ITGB6: variants seen among roughly 807,000 people sequenced by gnomAD.
The protein encoded by ITGB6 is integrin beta-6.
In ITGB6, 80 loss-of-function variants were observed where a neutral mutation model predicts 84.5. That is an observed-to-expected ratio of 0.95 (90% confidence interval 0.79 to 1.14). The LOEUF (loss-of-function observed/expected upper bound fraction) is 1.14. ITGB6 is among the 50% of genes most tolerant of loss of function. The pLI, the probability that ITGB6 is intolerant of heterozygous loss-of-function variation, is 0.00. For missense variants in ITGB6, 1,006 were observed against 968.0 expected (o/e 1.04, Z -0.52); for synonymous variants, 383 against 354.9 (o/e 1.08, Z -0.89).
intron 4 of ITGB6, among the ~76,000 whole-genome samples, chr2:160,178,256 A>G (rs1005057085): frequency 1.3e-5 from 2 of 152,332 alleles, no homozygotes; most frequent in Middle Eastern, 3.4e-3. Flanking sequence ...CATAATATCT[A>G]TTTCACAAAG....
At chr2:160,142,388 C>T (rs528409400) in intron 7 of ITGB6, among the ~76,000 whole-genome samples, 4 of 152,298 alleles carry the variant, frequency 2.6e-5, no homozygotes, top group African/African-American at 9.6e-5. Context: ...ATCTTCCATT[C>T]GTGAAGCATC....
chr2:160,161,109 C>T (rs193278290), intron 7 of ITGB6, among the ~76,000 whole-genome samples: 1 of 152,180 alleles, frequency 6.6e-6, no homozygotes, highest in East Asian at 1.9e-4. Flanking sequence ...AAATGCAGTA[C>T]TTGCTCAGGT....
intron 3 of ITGB6, 62 bp downstream of exon 3, chr2:160,196,154 A>C: frequency 1.5e-6 from 2 of 1,316,852 alleles, no homozygotes; most frequent in Non-Finnish European, 2.2e-6. Flanking sequence ...ACACATTAGC[A>C]AGGTAGCAGA....
intron 12 of ITGB6, among the ~76,000 whole-genome samples, chr2:160,117,497 T>G (rs1682836461): frequency 6.6e-6 from 1 of 152,188 alleles, no homozygotes; most frequent in Non-Finnish European, 1.5e-5. Context: ...CCAGAATCTC[T>G]GGGACACATT....
intron 7 of ITGB6, among the ~76,000 whole-genome samples, chr2:160,158,072 G>T (rs745749943): frequency 6.6e-6 from 1 of 152,146 alleles, no homozygotes; most frequent in South Asian, 2.1e-4. Context: ...ACATGTAATT[G>T]TTCCTGGCAC....
At chr2:160,137,364 G>T (rs1683780848) in intron 10 of ITGB6, 70 bp downstream of exon 10, 3 of 1,436,636 alleles carry the variant, frequency 2.1e-6, no homozygotes, top group South Asian at 1.3e-5. Context: ...ACTGGAAGGT[G>T]CAGAGGATGC....
At chr2:160,186,140 G>C (rs552975325) in intron 4 of ITGB6, among the ~76,000 whole-genome samples, 1 of 151,994 alleles carries the variant, frequency 6.6e-6, no homozygotes, top group Non-Finnish European at 1.5e-5. Flanking sequence ...TTAAACTAAA[G>C]AGCTTCTGCA....
At chr2:160,104,671 A>C (rs1426946914) in intron 14 of ITGB6, among the ~76,000 whole-genome samples, 1 of 152,210 alleles carries the variant, frequency 6.6e-6, no homozygotes, top group Admixed American at 6.5e-5. Context: ...TCAATTCATG[A>C]CTGCAAGAAA....
intron 4 of ITGB6, among the ~76,000 whole-genome samples, chr2:160,187,788 A>C (rs1685963701): frequency 6.6e-6 from 1 of 152,222 alleles, no homozygotes. Flanking sequence ...TAAATAAATC[A>C]GTAGATAATT....
At chr2:160,140,506 A>C (rs913502376) in intron 8 of ITGB6, among the ~76,000 whole-genome samples, 1 of 152,198 alleles carries the variant, frequency 6.6e-6, no homozygotes, top group Non-Finnish European at 1.5e-5. Flanking sequence ...AGTGGCCAAC[A>C]CTGTTGAGAG....
chr2:160,173,614 C>A (rs1024286565), intron 5 of ITGB6, among the ~76,000 whole-genome samples: 1 of 152,128 alleles, frequency 6.6e-6, no homozygotes, highest in African/African-American at 2.4e-5. Flanking sequence ...CATATACTGA[C>A]GTAGAGCATT....
chr2:160,195,099 G>T (rs2168672), intron 4 of ITGB6, among the ~76,000 whole-genome samples: 8 of 152,016 alleles, frequency 5.3e-5, no homozygotes, highest in African/African-American at 1.2e-4. Context: ...TGGTTCCCTC[G>T]CCTGCATAAC....
intron 4 of ITGB6, among the ~76,000 whole-genome samples, chr2:160,181,216 C>T (rs901213332): frequency 2.0e-5 from 3 of 152,150 alleles, no homozygotes; most frequent in African/African-American, 7.2e-5. Context: ...TCTCATGGAG[C>T]CCAGCAAGCT....
chr2:160,146,712 G>A (rs1018738739), intron 7 of ITGB6, among the ~76,000 whole-genome samples: 5 of 151,546 alleles, frequency 3.3e-5, no homozygotes, highest in Admixed American at 3.3e-4. Flanking sequence ...AACTTTAATG[G>A]CAGCGTAACA....
At chr2:160,132,155 C>T (rs902676010) in intron 10 of ITGB6, among the ~76,000 whole-genome samples, 4 of 152,164 alleles carry the variant, frequency 2.6e-5, no homozygotes, top group East Asian at 1.9e-4. Context: ...GATGTGGTGA[C>T]GGCCTTTGGC....
chr2:160,182,300 T>C (rs960936647), intron 4 of ITGB6, among the ~76,000 whole-genome samples: 36 of 152,080 alleles, frequency 2.4e-4, no homozygotes, highest in Admixed American at 6.6e-4. Flanking sequence ...AGAACATAAA[T>C]GACCTGATGG....
At chr2:160,154,247 G>C (rs962548156) in intron 7 of ITGB6, among the ~76,000 whole-genome samples, 23 of 152,142 alleles carry the variant, frequency 1.5e-4, no homozygotes, top group Non-Finnish European at 2.9e-4. Context: ...GGAATACTAT[G>C]CAGCCATAAA....
At chr2:160,190,302 T>A (rs1299645842) in intron 4 of ITGB6, among the ~76,000 whole-genome samples, 1 of 151,910 alleles carries the variant, frequency 6.6e-6, no homozygotes, top group African/African-American at 2.4e-5. Context: ...CATGTATATA[T>A]ATGTAACAAA....
chr2:160,151,184 C>T lies in ITGB6; in HGVS notation c.1018-9113G>A, dbSNP rs151000465. Among the ~76,000 whole-genome samples, 551 of 152,222 alleles carry T rather than the reference C, an allele frequency of 3.6e-3. 4 individuals are homozygous for T. The highest frequency in any genetic ancestry group is 0.012 in the African/African-American group (515 of 41,556). ...ATTGCACTTCTTTTAAAATTGACCA[C>T]ATAATTGGAAGTAAAGCACTCCTCA... On this transcript the variant is annotated intron_variant, in intron 7 of 14. Coordinates refer to ENST00000283249, the MANE Select transcript of ITGB6 (RefSeq NM_000888.5).
Sources: allele counts gnomAD v4.1 joint callset (sites outside exome capture counted in the v4.1 genomes callset), GRCh38; gene constraint gnomAD v4.1.1; transcripts MANE v1.5; gene names NCBI Gene and HGNC (gene_info 2026-07-23, HGNC 2026-07-21).